The following RBFOX1 variants were observed in gnomAD, a reference collection of about 807,000 sequenced individuals.
RBFOX1 encodes RNA binding fox-1 homolog 1.
A neutral mutation model predicts 57.7 loss-of-function variants in RBFOX1; 8 were observed. The observed-to-expected ratio is 0.14, with a 90% CI of 0.08 to 0.25. The LOEUF is 0.25. Among genes scored for constraint, RBFOX1 ranks in the 10% least tolerant of loss-of-function variants. The pLI, the probability that RBFOX1 is intolerant of heterozygous loss-of-function variation, is 1.00. For missense variants in RBFOX1, 611 were observed against 548.5 expected, an observed-to-expected ratio of 1.11 and a Z score of -1.14; for synonymous variants, 326 against 222.4, an observed-to-expected ratio of 1.47 and a Z score of -4.15.
At chr16:5,922,143 A>T (rs2058837413) in intron 4 of RBFOX1, among the ~76,000 whole-genome samples, 1 of 152,164 alleles carries the variant, frequency 6.6e-6, no homozygotes, top group Admixed American at 6.5e-5. Flanking sequence ...CCTAGGCAAC[A>T]CAGCAAGACC....
intron 1 of RBFOX1, among the ~76,000 whole-genome samples, chr16:6,120,697 C>G (rs1196447562): frequency 6.6e-6 from 1 of 152,116 alleles, no homozygotes; most frequent in African/African-American, 2.4e-5. Context: ...CCTTCTCAGG[C>G]TCTTTTATGT....
chr16:6,490,431 C>G (rs1157748900), intron 2 of RBFOX1, among the ~76,000 whole-genome samples: 1 of 152,172 alleles, frequency 6.6e-6, no homozygotes. Context: ...TGTCTCACAT[C>G]TCGAATACAA....
chr16:7,709,708 G>C, intron 15 of RBFOX1: 1 of 1,035,218 alleles, frequency 9.7e-7, no homozygotes, highest in Non-Finnish European at 1.2e-6. Flanking sequence ...GGGTTTGGGG[G>C]TTGCCTTTTG....
intron 3 of RBFOX1, among the ~76,000 whole-genome samples, chr16:5,848,701 C>T (rs760958820): frequency 6.6e-6 from 1 of 152,086 alleles, no homozygotes; most frequent in Non-Finnish European, 1.5e-5. Context: ...AAACCCAGCA[C>T]TTTGGGAGAC....
At chr16:6,065,345 T>A (rs1344583377) in intron 1 of RBFOX1, among the ~76,000 whole-genome samples, 1 of 152,092 alleles carries the variant, frequency 6.6e-6, no homozygotes, top group Non-Finnish European at 1.5e-5. Flanking sequence ...CTATGATTCT[T>A]ATGGATGCCT....
chr16:6,070,246 TC>T, intron 1 of RBFOX1, among the ~76,000 whole-genome samples: 1 of 152,142 alleles, frequency 6.6e-6, no homozygotes, highest in Non-Finnish European at 1.5e-5. Context: ...TGTATGTGGC[TC>T]CCCCAAAGTA....
chr16:5,977,666 A>T (rs1333752017), intron 4 of RBFOX1, among the ~76,000 whole-genome samples: 1 of 152,118 alleles, frequency 6.6e-6, no homozygotes, highest in Non-Finnish European at 1.5e-5. Flanking sequence ...CCAACTGCTG[A>T]TTGGAAAACA....
chr16:7,000,231 A>T (rs1373662445), intron 3 of RBFOX1, among the ~76,000 whole-genome samples: 4 of 152,168 alleles, frequency 2.6e-5, no homozygotes, highest in African/African-American at 9.7e-5. Flanking sequence ...CTGTTAATAT[A>T]AGCAAGCATT....
intron 5 of RBFOX1, among the ~76,000 whole-genome samples, chr16:7,573,834 C>CAA (rs3842359): frequency 0.31 from 44,461 of 144,874 alleles, 7,894 homozygotes; most frequent in East Asian, 0.5. Flanking sequence ...GACTCTGTCT[C>CAA]AAAAAAAAAA....
chr16:7,653,743 G>C, intron 11 of RBFOX1, 72 bp from the exon 12 acceptor site: 1 of 1,592,634 alleles, frequency 6.3e-7, no homozygotes. Flanking sequence ...GGTTCCCGGG[G>C]CAGTTCCCTC....
intron 3 of RBFOX1, among the ~76,000 whole-genome samples, chr16:6,682,076 A>T (rs1603392630): frequency 6.6e-6 from 1 of 152,206 alleles, no homozygotes; most frequent in South Asian, 2.1e-4. Flanking sequence ...GTTTTGCCCA[A>T]TAGAACAAAA....
chr16:6,937,453 G>A (rs1325341642), intron 3 of RBFOX1, among the ~76,000 whole-genome samples: 1 of 152,046 alleles, frequency 6.6e-6, no homozygotes, highest in Non-Finnish European at 1.5e-5. Flanking sequence ...AATGAAAAGA[G>A]TCAAACTCTG....
intron 1 of RBFOX1, among the ~76,000 whole-genome samples, chr16:6,250,352 A>G (rs1010867829): frequency 1.3e-5 from 2 of 152,180 alleles, no homozygotes; most frequent in Non-Finnish European, 2.9e-5. Flanking sequence ...TAGAATATTA[A>G]GCGAACTACC....
intron 3 of RBFOX1, among the ~76,000 whole-genome samples, chr16:6,723,052 C>G (rs1413878658): frequency 1.3e-5 from 2 of 152,132 alleles, no homozygotes; most frequent in Admixed American, 6.6e-5. Flanking sequence ...GCTACCCAGG[C>G]TTTGGGGAGG....
intron 1 of RBFOX1, among the ~76,000 whole-genome samples, chr16:6,221,362 A>G (rs2097372126): frequency 6.6e-6 from 1 of 152,148 alleles, no homozygotes; most frequent in Non-Finnish European, 1.5e-5. Context: ...TATATGCTTA[A>G]TCTCTGGGTT....
chr16:6,371,852 T>A (rs2090470801), intron 2 of RBFOX1, among the ~76,000 whole-genome samples: 1 of 152,242 alleles, frequency 6.6e-6, no homozygotes, highest in Non-Finnish European at 1.5e-5. Context: ...TTATCTAGGT[T>A]AAAATTTCCC....
intron 4 of RBFOX1, among the ~76,000 whole-genome samples, chr16:7,440,820 G>A (rs540219253): frequency 1.3e-5 from 2 of 152,104 alleles, no homozygotes; most frequent in South Asian, 2.1e-4. Context: ...CAGCCCTCAA[G>A]GGGGCTACAA....
chr16:7,682,374 G>A (rs2074985404), intron 14 of RBFOX1, among the ~76,000 whole-genome samples: 1 of 152,058 alleles, frequency 6.6e-6, no homozygotes, highest in East Asian at 1.9e-4. Context: ...GTTCAGAAGG[G>A]ATGGGAGAGT....
intron 4 of RBFOX1, among the ~76,000 whole-genome samples, chr16:6,008,039 A>G (rs532679217): frequency 6.6e-6 from 1 of 152,072 alleles, no homozygotes; most frequent in Non-Finnish European, 1.5e-5. Flanking sequence ...CCTCATCTCT[A>G]CTGAAAACAC....
Sources: gnomAD v4.1 joint callset for allele counts (sites outside exome capture counted in the v4.1 genomes callset) on GRCh38, gnomAD v4.1.1 for gene constraint, MANE v1.5 for transcripts, NCBI Gene and HGNC (gene_info 2026-07-23, HGNC 2026-07-21) for gene names.